The following KDM6A variants were observed in gnomAD, a reference collection of about 807,000 sequenced individuals.
The protein encoded by KDM6A is lysine demethylase 6A.
KDM6A carries 11 observed loss-of-function variants against 117.6 expected under a neutral mutation model. That is an observed-to-expected ratio of 0.09 (90% CI 0.06 to 0.15). The LOEUF (loss-of-function observed/expected upper bound fraction) is 0.15, where lower values mean the gene tolerates loss of function less well. Among genes scored for constraint, KDM6A ranks in the 10% least tolerant of loss-of-function variants. The pLI, the probability that KDM6A is intolerant of heterozygous loss-of-function variation, is 1.00. For synonymous variants in KDM6A, 384 were observed against 396.1 expected, an observed-to-expected ratio of 0.97 and a Z score of 0.36; for missense variants, 799 against 1,077.3, an observed-to-expected ratio of 0.74 and a Z score of 3.62.
chrX:44,929,029 C>T (rs1414680800), intron 2 of KDM6A, among the ~76,000 whole-genome samples: 3 of 110,600 alleles, frequency 2.7e-5, no homozygotes, highest in African/African-American at 6.6e-5. Flanking sequence ...CTCCTGGGTT[C>T]GAGTGATTCT....
intron 2 of KDM6A, among the ~76,000 whole-genome samples, chrX:44,892,160 T>G (rs2033416606): frequency 8.9e-6 from 1 of 112,635 alleles, no homozygotes; most frequent in Non-Finnish European, 1.9e-5. Context: ...GTAGTGAGTC[T>G]CACCACTTTA....
Position 44,911,149 on chromosome X carries a change from G to A in KDM6A, c.225+37162G>A, listed in dbSNP as rs770726207. Among the ~76,000 whole-genome samples, 11 of 107,926 alleles carry A rather than the reference G, an allele frequency of 1.0e-4. No individual in the cohort carries two copies. In the East Asian group the frequency reaches 2.4e-3, roughly 24 times the overall value. 93.7% of individuals were successfully genotyped at this position (107,926 alleles called of 115,157 possible). ...GCTGGCCCCCACCTCCCTCCCGGAC[G>A]GGGCGGCTGGCCGGGCGGGGGCTGC... On this transcript the variant is annotated intron_variant, in intron 2 of 29. Coordinates refer to ENST00000611820, the MANE Select transcript of KDM6A (RefSeq NM_001291415.2).
intron 10 of KDM6A, among the ~76,000 whole-genome samples, chrX:45,058,476 CTTAG>C (rs1205228228): frequency 1.8e-4 from 20 of 110,787 alleles, no homozygotes; most frequent in Admixed American, 1.3e-3. Flanking sequence ...ATTTTTGATA[CTTAG>C]TTTGAGATTA....
chrX:45,083,351 A>G (rs1443644048), intron 23 of KDM6A, 109 bp from the exon 24 acceptor site: 47 of 740,377 alleles, frequency 6.3e-5, no homozygotes, highest in Non-Finnish European at 9.2e-5. Flanking sequence ...TAAAATATTT[A>G]TAGACTTAAT....
intron 3 of KDM6A, among the ~76,000 whole-genome samples, chrX:44,971,134 A>AT (rs1414054447): frequency 9.0e-6 from 1 of 111,044 alleles, no homozygotes; most frequent in Non-Finnish European, 1.9e-5. Context: ...TTGCTTGACT[A>AT]TTTTTTTTCT....
chrX:44,987,941 T>C (rs5952663), intron 4 of KDM6A, among the ~76,000 whole-genome samples: 12,570 of 110,211 alleles, frequency 0.11, 886 homozygotes, highest in African/African-American at 0.25. Flanking sequence ...TTTCCTGAAT[T>C]TGAATGTTGG....
intron 7 of KDM6A, among the ~76,000 whole-genome samples, chrX:45,037,163 T>C (rs1335314226): frequency 1.8e-5 from 2 of 112,572 alleles, no homozygotes; most frequent in Non-Finnish European, 3.8e-5. Context: ...AGGCTCCTTA[T>C]TGTCTTTGTA....
intron 2 of KDM6A, among the ~76,000 whole-genome samples, chrX:44,913,697 T>C (rs1182367394): frequency 9.1e-6 from 1 of 110,419 alleles, no homozygotes; most frequent in Non-Finnish European, 1.9e-5. Flanking sequence ...CTATAAAAAG[T>C]CACAATTTCT....
chrX:45,106,976 T>C (rs1212954352), intron 27 of KDM6A: 2 of 179,787 alleles, frequency 1.1e-5, no homozygotes, highest in Admixed American at 1.5e-4. Flanking sequence ...TTAGGTAGTG[T>C]TGATTAAAAA....
chrX:44,985,667 T>A (rs1210627366), intron 4 of KDM6A, among the ~76,000 whole-genome samples: 3 of 111,897 alleles, frequency 2.7e-5, no homozygotes, highest in Non-Finnish European at 5.6e-5. Flanking sequence ...ATTGAGATAA[T>A]CATATGGTTT....
chrX:45,059,522 G>A, intron 12 of KDM6A, 56 bp downstream of exon 12: 3 of 866,052 alleles, frequency 3.5e-6, no homozygotes, highest in South Asian at 4.3e-5. Flanking sequence ...GAACACTCAG[G>A]CAGAAGGAGG....
At chrX:45,037,590 A>G (rs903416595) in intron 7 of KDM6A, 65 bp from the exon 8 acceptor site, 3 of 865,190 alleles carry the variant, frequency 3.5e-6, no homozygotes, top group Non-Finnish European at 5.2e-6. Flanking sequence ...TGTTATTCTT[A>G]CTTAATTTGC....
At chrX:44,923,972 C>T (rs1179223938) in intron 2 of KDM6A, among the ~76,000 whole-genome samples, 10 of 111,855 alleles carry the variant, frequency 8.9e-5, no homozygotes, top group Non-Finnish European at 1.9e-4. Flanking sequence ...ATCCATCTGC[C>T]ACGGCCTCCC....
intron 2 of KDM6A, among the ~76,000 whole-genome samples, chrX:44,878,452 T>C (rs1278745914): frequency 8.9e-6 from 1 of 112,197 alleles, no homozygotes; most frequent in Non-Finnish European, 1.9e-5. Context: ...TTTGGAAGAT[T>C]GTCTTCTGAA....
At chrX:44,925,218 G>A (rs1168240572) in intron 2 of KDM6A, among the ~76,000 whole-genome samples, 2 of 110,952 alleles carry the variant, frequency 1.8e-5, no homozygotes, top group Non-Finnish European at 3.8e-5. Context: ...CCTACCTTGT[G>A]AACTCTAAAC....
intron 2 of KDM6A, among the ~76,000 whole-genome samples, chrX:44,949,476 G>GT (rs929718071): frequency 0.01 from 921 of 90,185 alleles, 16 homozygotes; most frequent in African/African-American, 0.047. Flanking sequence ...CTATTAAAAA[G>GT]TTTTTTTTTT....
At chrX:44,880,032 G>T (rs1401915271) in intron 2 of KDM6A, among the ~76,000 whole-genome samples, 3 of 109,564 alleles carry the variant, frequency 2.7e-5, no homozygotes, top group Non-Finnish European at 5.7e-5. Flanking sequence ...AATTAGCCGG[G>T]CGTGGTGGCG....
intron 2 of KDM6A, among the ~76,000 whole-genome samples, chrX:44,937,696 C>T (rs1321568910): frequency 8.9e-6 from 1 of 111,875 alleles, no homozygotes; most frequent in African/African-American, 3.3e-5. Flanking sequence ...CAATGAATAA[C>T]CCTGTGGTAA....
chrX:44,972,659 A>G (rs2039414231), intron 3 of KDM6A, among the ~76,000 whole-genome samples: 1 of 111,517 alleles, frequency 9.0e-6, no homozygotes, highest in Admixed American at 9.6e-5. Context: ...CATAATACCC[A>G]TAATTAGGAC....
Sources: allele counts gnomAD v4.1 joint callset (sites outside exome capture counted in the v4.1 genomes callset), GRCh38; gene constraint gnomAD v4.1.1; transcripts MANE v1.5; gene names NCBI Gene and HGNC (gene_info 2026-07-23, HGNC 2026-07-21).